Variants in LARGE1 observed in about 807,000 individuals in gnomAD.
LARGE1 encodes LARGE xylosyl- and glucuronyltransferase 1, also known as xylosyl- and glucuronyltransferase LARGE1.
Under a neutral mutation model 87.6 loss-of-function variants are expected in LARGE1, and 43 were observed. The ratio of observed to expected loss-of-function variants is 0.49; its 90% CI spans 0.38 to 0.63. LARGE1 has a LOEUF of 0.63. Ranked by LOEUF, LARGE1 falls within the 30% of genes least tolerant of loss-of-function variation. LARGE1 has a pLI of 0.00. For synonymous variants in LARGE1, 434 were observed against 394.6 expected, an observed-to-expected ratio of 1.10 and a Z score of -1.18; for missense variants, 802 against 1,000.2, an observed-to-expected ratio of 0.80 and a Z score of 2.67.
chr22:33,308,401 T>C (rs942863642), intron 11 of LARGE1, among the ~76,000 whole-genome samples: 6 of 152,234 alleles, frequency 3.9e-5, no homozygotes, highest in Admixed American at 2.6e-4. Flanking sequence ...ATTTGTCCTC[T>C]GAGCTATGTC....
intron 1 of LARGE1, among the ~76,000 whole-genome samples, chr22:33,901,527 T>C (rs1366639975): frequency 1.3e-5 from 2 of 152,062 alleles, no homozygotes; most frequent in Non-Finnish European, 2.9e-5. Context: ...CCTAATTAGT[T>C]GGGTGAGGTG....
At position 33,792,930 on chromosome 22, in the gene LARGE1, C is replaced by T. The variant is rs1415278433; in HGVS notation, c.-82-31372G>A. ...GCCAGGGGAGGGGCTAAAGAAGACA[C>T]TGACATTGAGCACCTCTTCTAGACC... On this transcript the variant is annotated intron_variant, in intron 1 of 14. Coordinates refer to ENST00000397394, the MANE Select transcript of LARGE1 (RefSeq NM_133642.5). 2.0e-5 allele frequency among the ~76,000 whole-genome samples: 3 copies of T among 152,320 alleles called. No individual in the cohort carries two copies. In the East Asian group the frequency reaches 5.8e-4, roughly 29 times the overall value.
intron 11 of LARGE1, among the ~76,000 whole-genome samples, chr22:33,194,675 G>T (rs1457858130): frequency 6.6e-6 from 1 of 152,122 alleles, no homozygotes; most frequent in East Asian, 1.9e-4. Context: ...TTGGTTTGTT[G>T]CTTCTTCTCT....
In LARGE1 at chr22:33,533,714, C is replaced by T. The variant is rs570557141; in HGVS notation, c.787+31134G>A. Among the ~76,000 whole-genome samples, 4 of 152,208 alleles carry T rather than the reference C, an allele frequency of 2.6e-5. No homozygotes were observed. In the South Asian group the frequency reaches 6.2e-4, roughly 24 times the overall value. ...TAAAAGAACCTAGATGGTAAACTGC[C>T]CCACTTCATCTTCTAATTTTTGACC... On this transcript the variant is annotated intron_variant, in intron 6 of 14. Coordinates refer to ENST00000397394, the MANE Select transcript of LARGE1 (RefSeq NM_133642.5).
intron 9 of LARGE1, among the ~76,000 whole-genome samples, chr22:33,348,014 G>A (rs1172525210): frequency 2.0e-5 from 3 of 152,056 alleles, no homozygotes; most frequent in Admixed American, 6.6e-5. Context: ...TTTAAATATG[G>A]GGCTGCAGAT....
chr22:33,806,947 T>C (rs1021671276), intron 1 of LARGE1, among the ~76,000 whole-genome samples: 1 of 151,894 alleles, frequency 6.6e-6, no homozygotes, highest in African/African-American at 2.4e-5. Context: ...TAGGCGGAGG[T>C]TGCAGCGAGC....
chr22:33,117,722 G>T, the LARGE1 span, among the ~76,000 whole-genome samples: 1 of 152,138 alleles, frequency 6.6e-6, no homozygotes, highest in Non-Finnish European at 1.5e-5. Flanking sequence ...AGAACAAATT[G>T]TACCAAAATC....
At chr22:33,600,414 C>T (rs1026120430) in intron 5 of LARGE1, among the ~76,000 whole-genome samples, 1 of 152,212 alleles carries the variant, frequency 6.6e-6, no homozygotes, top group East Asian at 1.9e-4. Context: ...TCTATTAGCT[C>T]ATCACACAAA....
At chr22:33,536,159 G>C (rs2077037168) in intron 6 of LARGE1, among the ~76,000 whole-genome samples, 1 of 152,180 alleles carries the variant, frequency 6.6e-6, no homozygotes, top group African/African-American at 2.4e-5. Flanking sequence ...GAAAGAGAAG[G>C]CTGGAGAACA....
intron 2 of LARGE1, chr22:33,744,094 A>G (rs1297214752): frequency 6.6e-6 from 1 of 152,186 alleles, no homozygotes; most frequent in Admixed American, 6.5e-5. Flanking sequence ...GCCGCAACAG[A>G]TTTTTTTAAT....
the LARGE1 span, among the ~76,000 whole-genome samples, chr22:33,097,649 C>T: frequency 6.6e-6 from 1 of 152,196 alleles, no homozygotes; most frequent in African/African-American, 2.4e-5. Flanking sequence ...ATTATCAGCT[C>T]CAGAGCCTCC....
At chr22:33,104,897 T>TTC in the LARGE1 span, among the ~76,000 whole-genome samples, 1 of 34,790 alleles carries the variant, frequency 2.9e-5, no homozygotes, top group African/African-American at 7.4e-5. Context: ...CTCTCTTTCT[T>TTC]TCTTTCTTTC....
chr22:33,295,666 C>T lies in LARGE1; in HGVS notation c.1730+8563G>A, dbSNP rs898244104. ...TAAAGGCCAGGGAATAGGGTTTGCT[C>T]GATTCTACTCCAGTTGTCTAGGAAA... On this transcript the variant is annotated intron_variant, in intron 12 of 14. Coordinates refer to ENST00000397394, the MANE Select transcript of LARGE1 (RefSeq NM_133642.5). Among the ~76,000 whole-genome samples, 7 of 152,174 alleles carry T rather than the reference C, an allele frequency of 4.6e-5. No individual in the cohort carries two copies. In the South Asian group the frequency reaches 6.2e-4, roughly 14 times the overall value.
At chr22:33,519,283 A>G (rs2071459550) in intron 6 of LARGE1, among the ~76,000 whole-genome samples, 1 of 151,920 alleles carries the variant, frequency 6.6e-6, no homozygotes, top group South Asian at 2.1e-4. Context: ...AGAGAGGAGC[A>G]TGCCTCAAAG....
chr22:33,526,875 A>T (rs1026897216), intron 6 of LARGE1, among the ~76,000 whole-genome samples: 7 of 152,254 alleles, frequency 4.6e-5, no homozygotes, highest in African/African-American at 1.7e-4. Flanking sequence ...AGTCACAGAC[A>T]TGCTCCCCTG....
At chr22:33,911,267 C>T (rs747735098) in intron 1 of LARGE1, among the ~76,000 whole-genome samples, 9 of 152,144 alleles carry the variant, frequency 5.9e-5, no homozygotes, top group Non-Finnish European at 1.2e-4. Context: ...TTAGTTTCTA[C>T]GGATGTAAAA....
intron 2 of LARGE1, among the ~76,000 whole-genome samples, chr22:33,747,075 T>C (rs543607579): frequency 1.4e-4 from 22 of 152,262 alleles, no homozygotes; most frequent in East Asian, 3.9e-4. Flanking sequence ...GTGATTCTTA[T>C]CATCTAGCAA....
At chr22:33,326,313 A>G (rs1267874537) in intron 10 of LARGE1, among the ~76,000 whole-genome samples, 1 of 152,184 alleles carries the variant, frequency 6.6e-6, no homozygotes, top group African/African-American at 2.4e-5. Context: ...TTTTATGCCA[A>G]GTCTTGTGCT....
intron 12 of LARGE1, among the ~76,000 whole-genome samples, chr22:33,283,893 AAAG>A (rs1206063485): frequency 2.0e-5 from 3 of 151,930 alleles, no homozygotes; most frequent in African/African-American, 7.2e-5. Flanking sequence ...AAGAAAAAGT[AAAG>A]AAAGAAAAAA....
Sources: allele counts gnomAD v4.1 joint callset (sites outside exome capture counted in the v4.1 genomes callset), GRCh38; gene constraint gnomAD v4.1.1; transcripts MANE v1.5; gene names NCBI Gene and HGNC (gene_info 2026-07-23, HGNC 2026-07-21).